MPRIP: variants seen among roughly 807,000 people sequenced by gnomAD.
MPRIP encodes myosin phosphatase Rho-interacting protein.
MPRIP carries 59 observed loss-of-function variants against 234.9 expected under a neutral mutation model. The ratio of observed to expected loss-of-function variants is 0.25; its 90% confidence interval spans 0.20 to 0.31. MPRIP has a LOEUF of 0.31. Among genes scored for constraint, MPRIP ranks in the 10% least tolerant of loss-of-function variants. The pLI is 1.00. For synonymous variants in MPRIP, 1,144 were observed against 1,263.9 expected, an observed-to-expected ratio of 0.91 and a Z score of 2.01; for missense variants, 2,436 against 3,071.0, an observed-to-expected ratio of 0.79 and a Z score of 4.89.
At chr17:17,182,048 G>A (rs2046384283) in intron 23 of MPRIP, 1 of 152,244 alleles carries the variant, frequency 6.6e-6, no homozygotes, top group Non-Finnish European at 1.5e-5. Flanking sequence ...GAAAGTCGAG[G>A]ACTTCCTAGA....
At chr17:17,079,757 C>G (rs866849029) in intron 3 of MPRIP, among the ~76,000 whole-genome samples, 13 of 152,230 alleles carry the variant, frequency 8.5e-5, no homozygotes, top group African/African-American at 3.1e-4. Flanking sequence ...TAACTAAAGT[C>G]CAGCAAAATC....
intron 9 of MPRIP, 135 bp downstream of exon 9, chr17:17,143,804 C>G: frequency 4.2e-6 from 2 of 474,750 alleles, no homozygotes; most frequent in Non-Finnish European, 7.3e-6. Flanking sequence ...TGAGCACCCC[C>G]ACCCACCGAC....
At chr17:17,129,573 T>C (rs142193537) in intron 4 of MPRIP, among the ~76,000 whole-genome samples, 3 of 152,264 alleles carry the variant, frequency 2.0e-5, no homozygotes, top group East Asian at 3.9e-4. Context: ...TGAGGCCACA[T>C]GAGACACCTG....
At chr17:17,129,410 A>G (rs1443213374) in intron 4 of MPRIP, among the ~76,000 whole-genome samples, 1 of 152,134 alleles carries the variant, frequency 6.6e-6, no homozygotes, top group Non-Finnish European at 1.5e-5. Flanking sequence ...AACATTTATA[A>G]CACATCTGGA....
At chr17:17,093,939 A>G (rs926695039) in intron 3 of MPRIP, among the ~76,000 whole-genome samples, 2 of 152,078 alleles carry the variant, frequency 1.3e-5, no homozygotes, top group Non-Finnish European at 2.9e-5. Context: ...TTTCCTGGTA[A>G]TGTTACTCAC....
intron 13 of MPRIP, 41 bp from the exon 14 acceptor site, chr17:17,158,391 A>C (rs1456554685): frequency 6.6e-7 from 1 of 1,507,328 alleles, no homozygotes; most frequent in Non-Finnish European, 8.9e-7. Context: ...GCCACACCAG[A>C]GCCGCCCCTG....
chr17:17,127,483 G>A (rs11868052), intron 4 of MPRIP, among the ~76,000 whole-genome samples: 3,449 of 152,360 alleles, frequency 0.023, 101 homozygotes, highest in Middle Eastern at 0.085. Flanking sequence ...GCGCAGTGCT[G>A]AGCCCAGGGC....
At chr17:17,181,047 C>A (rs2046364598) in intron 23 of MPRIP, among the ~76,000 whole-genome samples, 1 of 152,230 alleles carries the variant, frequency 6.6e-6, no homozygotes, top group Non-Finnish European at 1.5e-5. Context: ...AAGGCCTCGC[C>A]CACCTAGTGA....
intron 3 of MPRIP, among the ~76,000 whole-genome samples, chr17:17,108,855 C>T (rs1008697707): frequency 6.6e-6 from 1 of 152,372 alleles, no homozygotes; most frequent in South Asian, 2.1e-4. Flanking sequence ...GCAGCGCCCT[C>T]TCCCTCTCAG....
chr17:17,150,864 C>T (rs886968201), intron 12 of MPRIP, among the ~76,000 whole-genome samples: 2 of 151,688 alleles, frequency 1.3e-5, no homozygotes, highest in Non-Finnish European at 2.9e-5. Flanking sequence ...TTTTTTCCCC[C>T]AAGACAGGGT....
At chr17:17,168,235 C>A in intron 16 of MPRIP, 1 of 274,792 alleles carries the variant, frequency 3.6e-6, no homozygotes, top group South Asian at 3.6e-5. Flanking sequence ...AGCCCCCAAT[C>A]CCCTTGCCAG....
chr17:17,172,306 C>G (rs576177417), intron 17 of MPRIP, among the ~76,000 whole-genome samples: 4 of 152,382 alleles, frequency 2.6e-5, no homozygotes, highest in African/African-American at 9.6e-5. Context: ...CCTTGTGCTG[C>G]CTTCCCTTTA....
chr17:17,153,674 C>T (rs1030667719), intron 12 of MPRIP, among the ~76,000 whole-genome samples: 5 of 151,766 alleles, frequency 3.3e-5, no homozygotes, highest in African/African-American at 9.7e-5. Flanking sequence ...ACCAGCCAGA[C>T]GCTGTTCATA....
chr17:17,146,227 GCT>G, intron 10 of MPRIP, 135 bp downstream of exon 10: 1 of 776,304 alleles, frequency 1.3e-6, no homozygotes, highest in Non-Finnish European at 2.1e-6. Context: ...CATGACCAGG[GCT>G]GTGGCTGAGA....
chr17:17,179,977 CTGTT>C, intron 22 of MPRIP, 22 bp from the exon 23 acceptor site: 1 of 1,556,940 alleles, frequency 6.4e-7, no homozygotes, highest in South Asian at 1.2e-5. Context: ...GGTAACAGGT[CTGTT>C]TGTTTTCATT....
chr17:17,080,192 G>A (rs974645546), intron 3 of MPRIP, among the ~76,000 whole-genome samples: 8 of 152,220 alleles, frequency 5.3e-5, no homozygotes, highest in Admixed American at 4.6e-4. Flanking sequence ...TTTCCCTGTT[G>A]TATCAGGAAG....
Position 17,188,324 on chromosome 17 carries a change from G to T in MPRIP, c.*3430G>T, listed in dbSNP as rs2046517713. On this transcript the variant is annotated 3_prime_UTR_variant, in exon 24 of 24. Coordinates refer to ENST00000651222, the MANE Select transcript of MPRIP (RefSeq NM_001364716.4). ...CTAGAGGTGGCAGTATCGCGAATTTGCAGGTTTATTGAACAAGAGGTAACA... is the reference window on the plus strand; with the variant it reads ...CTAGAGGTGGCAGTATCGCGAATTTTCAGGTTTATTGAACAAGAGGTAACA... 1 of 152,302 alleles carries T rather than the reference G, an allele frequency of 6.6e-6. No homozygotes were observed. The highest frequency in any genetic ancestry group is 1.5e-5 in the Non-Finnish European group (1 of 68,084). The allele number at this position is 152,302 out of a possible 1,614,324, so 9.4% of individuals were successfully genotyped here. A position where few individuals can be genotyped will look rare whatever the true frequency, so the allele number is the denominator to read the frequency against.
At chr17:17,102,073 A>T (rs1190728893) in intron 3 of MPRIP, among the ~76,000 whole-genome samples, 2 of 151,918 alleles carry the variant, frequency 1.3e-5, no homozygotes, top group African/African-American at 4.8e-5. Flanking sequence ...TTAAAAATAG[A>T]GACAGGATCT....
chr17:17,091,144 G>T (rs1289177400), intron 3 of MPRIP, among the ~76,000 whole-genome samples: 3 of 152,016 alleles, frequency 2.0e-5, no homozygotes, highest in Non-Finnish European at 4.4e-5. Flanking sequence ...GGACATGCTT[G>T]CCTGGCCCTG....
Sources: gnomAD v4.1 joint callset for allele counts (sites outside exome capture counted in the v4.1 genomes callset) on GRCh38, gnomAD v4.1.1 for gene constraint, MANE v1.5 for transcripts, NCBI Gene and HGNC (gene_info 2026-07-23, HGNC 2026-07-21) for gene names.